The following OR51B5 variants were observed in gnomAD, a reference collection of about 807,000 sequenced individuals.
OR51B5 encodes olfactory receptor family 51 subfamily B member 5.
For missense variants in OR51B5, 456 were observed against 374.6 expected, an observed-to-expected ratio of 1.22 and a Z score of -1.79; for synonymous variants, 186 against 144.8, an observed-to-expected ratio of 1.28 and a Z score of -2.04.
chr11:5,425,140 T>C (rs1004577291), intron 1 of OR51B5, among the ~76,000 whole-genome samples: 24 of 151,956 alleles, frequency 1.6e-4, no homozygotes, highest in African/African-American at 5.3e-4. Flanking sequence ...AATTGCAAAA[T>C]GGAAGATGTG....
intron 1 of OR51B5, among the ~76,000 whole-genome samples, chr11:5,423,770 A>G (rs1240253851): frequency 6.6e-6 from 1 of 152,206 alleles, no homozygotes; most frequent in African/African-American, 2.4e-5. Context: ...AACACTCAGC[A>G]AGCAAAATAA....
intron 1 of OR51B5, among the ~76,000 whole-genome samples, chr11:5,395,472 T>G (rs975354386): frequency 6.6e-6 from 1 of 152,060 alleles, no homozygotes; most frequent in Non-Finnish European, 1.5e-5. Context: ...GCCAATCTGT[T>G]GTTAGGGCTG....
intron 1 of OR51B5, among the ~76,000 whole-genome samples, chr11:5,418,877 TAA>T (rs10636129): frequency 7.5e-6 from 1 of 133,630 alleles, no homozygotes; most frequent in Non-Finnish European, 1.6e-5. Context: ...TGAAGTATTA[TAA>T]AAAAAAAAAA....
intron 1 of OR51B5, among the ~76,000 whole-genome samples, chr11:5,358,151 C>T (rs1461185002): frequency 1.3e-5 from 2 of 151,880 alleles, no homozygotes; most frequent in African/African-American, 4.8e-5. Flanking sequence ...CAGAGCAGAA[C>T]TGAAGGAAAT....
intron 1 of OR51B5, chr11:5,351,699 G>A (rs2133687561): frequency 1.9e-6 from 3 of 1,614,016 alleles, no homozygotes; most frequent in Non-Finnish European, 2.5e-6. Flanking sequence ...TAGCTATGTT[G>A]GCAGCTACAG....
At position 5,415,503 on chromosome 11, in the gene OR51B5, G is replaced by A. The variant is rs369210873; in HGVS notation, n.85-68593C>T. On this transcript the variant is annotated intron_variant and non_coding_transcript_variant, in intron 1 of 4. Transcript: ENST00000415970. ...AATCCAGGAGCTGGTTTCTTGAAAG[G>A]ATCAACAAAATTCATAGACAGCTAG... 8.8e-3 allele frequency among the ~76,000 whole-genome samples: 1,341 copies of A among 151,840 alleles called. 27 individuals are homozygous for A. Among genetic ancestry groups the A allele is most frequent in the African/African-American group, 0.03 (1,252 of 41,406 alleles).
chr11:5,477,996 G>T (rs1412729342), intron 1 of OR51B5, among the ~76,000 whole-genome samples: 4 of 151,940 alleles, frequency 2.6e-5, no homozygotes, highest in African/African-American at 7.2e-5. Flanking sequence ...GCTCCAACTG[G>T]GTGGAGCCCA....
intron 1 of OR51B5, chr11:5,354,850 AC>A: frequency 5.3e-6 from 1 of 187,586 alleles, no homozygotes; most frequent in Non-Finnish European, 1.1e-5. Flanking sequence ...AGCAGAGGGT[AC>A]CAGACCTGAG....
At chr11:5,372,159 T>C (rs549624455) in intron 1 of OR51B5, among the ~76,000 whole-genome samples, 65 of 152,316 alleles carry the variant, frequency 4.3e-4, no homozygotes, top group African/African-American at 1.5e-3. Flanking sequence ...TCTTTATCTG[T>C]TCATCTATAT....
At chr11:5,478,659 T>C (rs1851359108) in intron 1 of OR51B5, among the ~76,000 whole-genome samples, 1 of 150,610 alleles carries the variant, frequency 6.6e-6, no homozygotes. Flanking sequence ...TACAGAGAAG[T>C]GCTTAAAGGA....
intron 1 of OR51B5, among the ~76,000 whole-genome samples, chr11:5,435,225 C>T (rs1033253915): frequency 1.3e-5 from 2 of 152,154 alleles, no homozygotes; most frequent in African/African-American, 2.4e-5. Flanking sequence ...GGGAGTTTAT[C>T]GCATCCCTAA....
Position 5,358,852 on chromosome 11 carries a change from T to G in OR51B5, n.85-11942A>C, listed in dbSNP as rs544507798. ...GGCTGGTTCAACATATGCAAATCAA[T>G]AAATGTAATCCAGCATATAAACAGA... On this transcript the variant is annotated intron_variant and non_coding_transcript_variant, in intron 1 of 4. Coordinates refer to the OR51B5 transcript ENST00000415970. Among the ~76,000 whole-genome samples the G allele has an allele frequency of 7.2e-5, 11 of 152,224 alleles. No individual in the cohort carries two copies. The East Asian group carries it at 2.1e-3, about 29-fold the overall frequency.
intron 1 of OR51B5, chr11:5,389,876 G>A (rs1282408883): frequency 6.2e-7 from 1 of 1,613,228 alleles, no homozygotes; most frequent in East Asian, 2.2e-5. Flanking sequence ...AGGCCTAATT[G>A]TCATCTTCCG....
rs538072634 is a variant in OR51B5, at chr11:5,395,881, T to C, written n.85-48971A>G. ...TCTTTTCTTAGAGCTCACTGCAACATTGCTCACTGGAATGCTGGAAAGTAC... is the reference window on the plus strand; with the variant it reads ...TCTTTTCTTAGAGCTCACTGCAACACTGCTCACTGGAATGCTGGAAAGTAC... On this transcript the variant is annotated intron_variant and non_coding_transcript_variant, in intron 1 of 4. Coordinates refer to the OR51B5 transcript ENST00000415970. Among the ~76,000 whole-genome samples the C allele has an allele frequency of 5.1e-4, 77 of 152,326 alleles. 3 individuals are homozygous for C. In the South Asian group the frequency reaches 0.014, roughly 27 times the overall value.
At chr11:5,394,371 A>C (rs1386673059) in intron 1 of OR51B5, among the ~76,000 whole-genome samples, 1 of 152,182 alleles carries the variant, frequency 6.6e-6, no homozygotes, top group African/African-American at 2.4e-5. Context: ...ACTATGCTCC[A>C]CTGATTCAAC....
chr11:5,485,189 A>G (rs569629294), intron 1 of OR51B5, among the ~76,000 whole-genome samples: 83 of 152,316 alleles, frequency 5.4e-4, no homozygotes, highest in Non-Finnish European at 1.1e-3. Flanking sequence ...CAAAAGAAAA[A>G]GGATAAAAGA....
chr11:5,388,710 G>A (rs1451878790), intron 1 of OR51B5, among the ~76,000 whole-genome samples: 1 of 151,358 alleles, frequency 6.6e-6, no homozygotes, highest in Non-Finnish European at 1.5e-5. Context: ...ACTTGTTTAT[G>A]TATACGTCTC....
chr11:5,402,949 C>A, intron 1 of OR51B5: 1 of 471,330 alleles, frequency 2.1e-6, no homozygotes, highest in Non-Finnish European at 4.4e-6. Context: ...GCCAGCTGTG[C>A]TGCTGGCCAT....
At chr11:5,497,543 A>G (rs1590030891) in intron 1 of OR51B5, among the ~76,000 whole-genome samples, 1 of 152,208 alleles carries the variant, frequency 6.6e-6, no homozygotes, top group African/African-American at 2.4e-5. Context: ...AACACTTGGG[A>G]CTACCAGGAT....
Sources: gnomAD v4.1 joint callset for allele counts (sites outside exome capture counted in the v4.1 genomes callset) on GRCh38, gnomAD v4.1.1 for gene constraint, MANE v1.5 for transcripts, NCBI Gene and HGNC (gene_info 2026-07-23, HGNC 2026-07-21) for gene names.